The following SNX29 variants were observed in gnomAD, a reference collection of about 807,000 sequenced individuals.
The protein encoded by SNX29 is sorting nexin 29.
A neutral mutation model predicts 102.1 loss-of-function variants in SNX29; 78 were observed. The ratio of observed to expected loss-of-function variants is 0.76; its 90% CI spans 0.64 to 0.92. SNX29 has a LOEUF of 0.92. Among genes scored for constraint, SNX29 ranks in the 40% least tolerant of loss-of-function variants. The pLI is 0.00. For missense variants in SNX29, 1,280 were observed against 1,061.7 expected (o/e 1.21, Z -2.86); for synonymous variants, 580 against 414.5 (o/e 1.40, Z -4.85).
At chr16:12,219,928 G>A (rs578124842) in intron 14 of SNX29, among the ~76,000 whole-genome samples, 3 of 152,272 alleles carry the variant, frequency 2.0e-5, no homozygotes, top group Non-Finnish European at 4.4e-5. Flanking sequence ...GCGCACACAC[G>A]TGTACACACA....
intron 20 of SNX29, among the ~76,000 whole-genome samples, chr16:12,563,546 A>C (rs1042962106): frequency 1.3e-5 from 2 of 152,108 alleles, no homozygotes; most frequent in African/African-American, 4.8e-5. Flanking sequence ...TCCCACCACT[A>C]CCTGAGGGGT....
At chr16:12,507,463 G>T (rs1057490116) in intron 19 of SNX29, among the ~76,000 whole-genome samples, 2 of 152,234 alleles carry the variant, frequency 1.3e-5, no homozygotes, top group Non-Finnish European at 2.9e-5. Context: ...TGCTGTAACA[G>T]ATTTCAATGC....
At chr16:12,386,392 A>G (rs915450460) in intron 16 of SNX29, among the ~76,000 whole-genome samples, 6 of 152,192 alleles carry the variant, frequency 3.9e-5, no homozygotes, top group African/African-American at 1.2e-4. Flanking sequence ...TATTCTTTCC[A>G]TGGAGGAGGA....
intron 13 of SNX29, among the ~76,000 whole-genome samples, chr16:12,188,264 G>A (rs1244106919): frequency 6.6e-6 from 1 of 152,120 alleles, no homozygotes; most frequent in Non-Finnish European, 1.5e-5. Flanking sequence ...AGTTTCTGAA[G>A]GTAGATACTT....
intron 20 of SNX29, among the ~76,000 whole-genome samples, chr16:12,530,466 C>G (rs2076901533): frequency 6.6e-6 from 1 of 152,088 alleles, no homozygotes; most frequent in Non-Finnish European, 1.5e-5. Context: ...ACTGTCAAGT[C>G]TTTTGTGTAA....
chr16:12,376,609 A>T (rs1229538430), intron 16 of SNX29, among the ~76,000 whole-genome samples: 2 of 151,508 alleles, frequency 1.3e-5, no homozygotes, highest in East Asian at 3.9e-4. Flanking sequence ...GGCGGCTGGC[A>T]CCTATAATCC....
chr16:12,090,362 G>T (rs1447351836), intron 11 of SNX29: 1 of 152,248 alleles, frequency 6.6e-6, no homozygotes, highest in African/African-American at 2.4e-5. Context: ...TCCGGGTTAG[G>T]ACTTTGCGCA....
intron 15 of SNX29, among the ~76,000 whole-genome samples, chr16:12,348,120 C>T (rs139998670): frequency 9.5e-4 from 144 of 152,150 alleles, no homozygotes; most frequent in African/African-American, 2.0e-3. Flanking sequence ...GAATCAAAGA[C>T]GTGTGATTCT....
At chr16:11,994,639 A>G (rs1394170984) in intron 1 of SNX29, among the ~76,000 whole-genome samples, 1 of 152,152 alleles carries the variant, frequency 6.6e-6, no homozygotes, top group African/African-American at 2.4e-5. Context: ...TTTGTCAAGG[A>G]TTAAATAGGT....
At chr16:12,426,098 A>T (rs2151607870) in intron 18 of SNX29, among the ~76,000 whole-genome samples, 1 of 151,886 alleles carries the variant, frequency 6.6e-6, no homozygotes, top group East Asian at 1.9e-4. Context: ...TTTTTTTTTA[A>T]AAAGATACAG....
At chr16:12,342,158 T>C (rs2081628190) in intron 15 of SNX29, among the ~76,000 whole-genome samples, 1 of 152,194 alleles carries the variant, frequency 6.6e-6, no homozygotes, top group Non-Finnish European at 1.5e-5. Context: ...ATTGTGATAC[T>C]TTTGCACTTA....
intron 14 of SNX29, among the ~76,000 whole-genome samples, chr16:12,205,377 C>T (rs1472979): frequency 0.17 from 25,449 of 152,144 alleles, 2,275 homozygotes; most frequent in East Asian, 0.28. Context: ...TCATAAATCC[C>T]GTCACTCTGC....
rs1433522965 is a variant in SNX29, at chr16:12,568,659, T to C, written c.*30T>C. On this transcript the variant is annotated 3_prime_UTR_variant, in exon 21 of 21. Transcript: ENST00000566228. ...GACAAAACCGCAGCCACGGGCCCTG[T>C]GCGTGGCACCAGCTGCGTCCACCCC... The C allele has an allele frequency of 6.3e-7, 1 of 1,596,974 alleles. No homozygotes were observed. The highest frequency in any genetic ancestry group is 8.5e-7 in the Non-Finnish European group (1 of 1,178,246).
chr16:12,066,130 C>A (rs1221601692), intron 9 of SNX29, among the ~76,000 whole-genome samples: 2 of 152,122 alleles, frequency 1.3e-5, no homozygotes, highest in Non-Finnish European at 1.5e-5. Context: ...TGGGTCCATG[C>A]CTTTGCCCCA....
chr16:12,551,631 C>A (rs1246853604), intron 20 of SNX29, among the ~76,000 whole-genome samples: 2 of 152,148 alleles, frequency 1.3e-5, no homozygotes, highest in Admixed American at 6.5e-5. Context: ...AGGCATCAAC[C>A]CAGCAAGTAT....
intron 20 of SNX29, among the ~76,000 whole-genome samples, chr16:12,552,375 A>C (rs563564048): frequency 2.7e-4 from 41 of 152,354 alleles, no homozygotes; most frequent in South Asian, 2.5e-3. Context: ...CGTGTAAGAC[A>C]GCAAGCATGG....
At chr16:12,565,948 C>A (rs1253653396) in intron 20 of SNX29, among the ~76,000 whole-genome samples, 1 of 152,204 alleles carries the variant, frequency 6.6e-6, no homozygotes, top group Non-Finnish European at 1.5e-5. Context: ...CTGCCCTCCC[C>A]ATCCTCAATG....
chr16:12,033,692 T>A (rs980859027), intron 4 of SNX29, among the ~76,000 whole-genome samples: 5 of 151,854 alleles, frequency 3.3e-5, no homozygotes, highest in Admixed American at 6.6e-5. Flanking sequence ...CTGCAGCCTA[T>A]GCCTCCTGGG....
At chr16:12,271,103 AC>A (rs1296671564) in intron 14 of SNX29, among the ~76,000 whole-genome samples, 12 of 152,262 alleles carry the variant, frequency 7.9e-5, no homozygotes, top group African/African-American at 2.9e-4. Context: ...TAAAGACTCT[AC>A]GTTGGTTAAC....
Sources: allele counts gnomAD v4.1 joint callset (sites outside exome capture counted in the v4.1 genomes callset), GRCh38; gene constraint gnomAD v4.1.1; transcripts MANE v1.5; gene names NCBI Gene and HGNC (gene_info 2026-07-23, HGNC 2026-07-21).